The following PCDHA6 variants were observed in gnomAD, a reference collection of about 807,000 sequenced individuals.
The protein encoded by PCDHA6 is protocadherin alpha-6.
Under a neutral mutation model 60.3 loss-of-function variants are expected in PCDHA6, and 55 were observed. That is an observed-to-expected ratio of 0.91 (90% CI 0.73 to 1.14). PCDHA6 has a LOEUF of 1.14. Ranked by LOEUF, PCDHA6 falls within the 50% of genes most tolerant of loss-of-function variation. The pLI is 0.00. For missense variants in PCDHA6, 1,327 were observed against 1,256.5 expected, an observed-to-expected ratio of 1.06 and a Z score of -0.85; for synonymous variants, 652 against 557.9, an observed-to-expected ratio of 1.17 and a Z score of -2.38.
intron 1 of PCDHA6, chr5:140,857,619 A>G: frequency 6.3e-7 from 1 of 1,596,352 alleles, no homozygotes; most frequent in Non-Finnish European, 8.6e-7. Flanking sequence ...CCGCTGGACC[A>G]CGAGGAGCTG....
intron 1 of PCDHA6, chr5:140,848,303 C>T: frequency 2.9e-6 from 2 of 685,962 alleles, no homozygotes; most frequent in Non-Finnish European, 5.0e-6. Context: ...CACGTGATGT[C>T]ACTCTTTGCC....
chr5:140,892,180 T>G (rs1176959692), intron 1 of PCDHA6, among the ~76,000 whole-genome samples: 1 of 152,224 alleles, frequency 6.6e-6, no homozygotes, highest in Non-Finnish European at 1.5e-5. Flanking sequence ...GGGATCCTCA[T>G]GGGTCTATTC....
rs1769481948 is a variant in PCDHA6, at chr5:140,827,997, A to G, written c.-95A>G. The G allele has an allele frequency of 6.7e-7, 1 of 1,482,378 alleles. No individual in the cohort carries two copies. The highest frequency in any genetic ancestry group is 2.3e-5 in the Admixed American group (1 of 44,384). The allele number at this position is 1,482,378 out of a possible 1,614,324, so 91.8% of individuals were successfully genotyped here. On this transcript the variant is annotated 5_prime_UTR_variant, in exon 1 of 4. Transcript: ENST00000529310. ...TTCCCTGACTGTTGAATGATGGCGG[A>G]CGCAGAAGAAATGGATTAATAAATT...
At chr5:140,975,307 A>G (rs1190412792) in intron 1 of PCDHA6, among the ~76,000 whole-genome samples, 1 of 152,162 alleles carries the variant, frequency 6.6e-6, no homozygotes, top group Non-Finnish European at 1.5e-5. Context: ...AGCTCATGTG[A>G]TTATGTCAGT....
chr5:140,850,124 G>C lies in PCDHA6; in HGVS notation c.2394+19639G>C, dbSNP rs1321633502. On this transcript the variant is annotated intron_variant, in intron 1 of 3. Coordinates refer to ENST00000529310, the MANE Select transcript of PCDHA6 (RefSeq NM_018909.4). ...TGAGCGCGCGCGACGCGGGCGTGCCGCCTCTGGGCAGCAACGTGACGCTGC... is the reference window on the plus strand; with the variant it reads ...TGAGCGCGCGCGACGCGGGCGTGCCCCCTCTGGGCAGCAACGTGACGCTGC... The C allele has an allele frequency of 1.9e-6, 3 of 1,595,828 alleles. 1 individual carries two copies. The highest frequency in any genetic ancestry group is 2.7e-5 in the African/African-American group (2 of 74,384).
chr5:140,834,202 A>G, intron 1 of PCDHA6: 6 of 612,742 alleles, frequency 9.8e-6, no homozygotes, highest in Non-Finnish European at 1.7e-5. Flanking sequence ...CTTTACCGCA[A>G]ATTCTTTCGT....
At chr5:140,895,994 A>G (rs1554186774) in intron 1 of PCDHA6, among the ~76,000 whole-genome samples, 1 of 152,038 alleles carries the variant, frequency 6.6e-6, no homozygotes, top group Non-Finnish European at 1.5e-5. Context: ...TATTTTAAGT[A>G]GAGACAGGGT....
chr5:140,883,320 C>T, intron 1 of PCDHA6: 1 of 1,614,112 alleles, frequency 6.2e-7, no homozygotes, highest in Non-Finnish European at 8.5e-7. Flanking sequence ...CCAGAGGTTA[C>T]CATCACTTCT....
chr5:140,843,636 TC>T, intron 1 of PCDHA6: 2 of 1,595,920 alleles, frequency 1.3e-6, no homozygotes, highest in Non-Finnish European at 1.7e-6. Context: ...CTCATGGCCT[TC>T]AGCCCCTGCC....
At chr5:140,972,625 G>A (rs2096544051) in intron 1 of PCDHA6, among the ~76,000 whole-genome samples, 1 of 151,044 alleles carries the variant, frequency 6.6e-6, no homozygotes, top group African/African-American at 2.4e-5. Flanking sequence ...AATGTTGTTG[G>A]CACTCCCTTC....
chr5:140,966,702 G>T, intron 1 of PCDHA6: 1 of 1,367,880 alleles, frequency 7.3e-7, no homozygotes. Flanking sequence ...GCCCGGGCGT[G>T]GGGCACGGCT....
chr5:140,914,504 T>A (rs1554196424), intron 1 of PCDHA6, among the ~76,000 whole-genome samples: 1 of 152,202 alleles, frequency 6.6e-6, no homozygotes, highest in Non-Finnish European at 1.5e-5. Flanking sequence ...AACAGATCAT[T>A]GGGTCATGTT....
chr5:140,993,128 T>A (rs1250312762), intron 3 of PCDHA6, among the ~76,000 whole-genome samples: 2 of 152,234 alleles, frequency 1.3e-5, no homozygotes, highest in Non-Finnish European at 2.9e-5. Flanking sequence ...AATTTCCTTC[T>A]GTTGCAACAA....
intron 1 of PCDHA6, among the ~76,000 whole-genome samples, chr5:140,885,454 C>T (rs2060601415): frequency 6.6e-6 from 1 of 152,054 alleles, no homozygotes; most frequent in Admixed American, 6.5e-5. Flanking sequence ...TATTATTTAC[C>T]TAATGATGGG....
At chr5:140,837,121 A>G (rs2150273262) in intron 1 of PCDHA6, 1 of 156,722 alleles carries the variant, frequency 6.4e-6, no homozygotes, top group East Asian at 1.9e-4. Context: ...GTTACCTAAT[A>G]TTTTATTCTA....
intron 1 of PCDHA6, chr5:140,834,289 T>G: frequency 8.4e-7 from 1 of 1,186,076 alleles, no homozygotes; most frequent in Non-Finnish European, 1.2e-6. Flanking sequence ...TGCACAACAA[T>G]GGCCACACAT....
chr5:140,843,674 G>A (rs2150364800), intron 1 of PCDHA6: 16 of 1,592,324 alleles, frequency 1.0e-5, no homozygotes, highest in Middle Eastern at 1.7e-4. Context: ...ATCAGTTGAT[G>A]TAGGCGAAGA....
intron 1 of PCDHA6, among the ~76,000 whole-genome samples, chr5:140,972,018 A>G (rs2096514313): frequency 6.6e-6 from 1 of 152,162 alleles, no homozygotes; most frequent in Non-Finnish European, 1.5e-5. Flanking sequence ...TTTATATGGG[A>G]TATTCAGGCA....
chr5:140,858,449 G>A, intron 1 of PCDHA6: 3 of 1,532,030 alleles, frequency 2.0e-6, no homozygotes, highest in African/African-American at 2.8e-5. Context: ...GGGTTATTAC[G>A]TTTTCATTTT....
Sources: allele counts gnomAD v4.1 joint callset (sites outside exome capture counted in the v4.1 genomes callset), GRCh38; gene constraint gnomAD v4.1.1; transcripts MANE v1.5; gene names NCBI Gene and HGNC (gene_info 2026-07-23, HGNC 2026-07-21).